The following SPCS1 variants were observed in gnomAD, a reference collection of about 807,000 sequenced individuals.
The protein encoded by SPCS1 is SPase 12 kDa subunit.
Under a neutral mutation model 16.4 loss-of-function variants are expected in SPCS1, and 10 were observed. The ratio of observed to expected loss-of-function variants is 0.61; its 90% CI spans 0.38 to 1.03. The LOEUF (loss-of-function observed/expected upper bound fraction) is 1.03. Ranked by LOEUF, SPCS1 falls within the 50% of genes least tolerant of loss-of-function variation. SPCS1 has a pLI of 0.01. For missense variants in SPCS1, 118 were observed against 123.8 expected, an observed-to-expected ratio of 0.95 and a Z score of 0.22; for synonymous variants, 47 against 42.5, an observed-to-expected ratio of 1.10 and a Z score of -0.41.
In SPCS1 at chr3:52,710,002, G is replaced by A. The variant is rs1243889988; in HGVS notation, c.*2190G>A. The stretch of plus-strand genomic sequence containing the variant: ...GCACTGTAAAAGGGCAGGAAGTATT[G>A]TTTTATTCACCACTATATCCCCAGC... On this transcript the variant is annotated 3_prime_UTR_variant, in exon 4 of 4. Transcript: ENST00000619898. 1 of 152,208 alleles carries A rather than the reference G, an allele frequency of 6.6e-6. No individual in the cohort carries two copies. Among genetic ancestry groups the A allele is most frequent in the African/African-American group, 2.4e-5 (1 of 41,446 alleles). 9.4% of individuals were successfully genotyped at this position (152,208 alleles called of 1,614,324 possible).
rs1339857699 is a variant in SPCS1, at chr3:52,710,755, C to CT, written c.*2944dup. 6.6e-6 allele frequency: 1 copy of CT among 151,724 alleles called. No homozygotes were observed. Among genetic ancestry groups the CT allele is most frequent in the Non-Finnish European group, 1.5e-5 (1 of 67,938 alleles). The allele number at this position is 151,724 out of a possible 1,614,324, so 9.4% of individuals were successfully genotyped here. A position where few individuals can be genotyped will look rare whatever the true frequency, so the allele number is the denominator to read the frequency against. ...CCAGCCTGACTGACAGAGTGAAACTCTGTCTCAAAAAAAAAACACCTGAAA... is the reference window on the plus strand; with the variant it reads ...CCAGCCTGACTGACAGAGTGAAACTCTTGTCTCAAAAAAAAAACACCTGAAA... On this transcript the variant is annotated 3_prime_UTR_variant, in exon 4 of 4. Coordinates refer to ENST00000619898, the MANE Select transcript of SPCS1 (RefSeq NM_014041.5).
chr3:52,707,026 T>G (rs1344349782), intron 3 of SPCS1, 147 bp downstream of exon 3: 2 of 697,906 alleles, frequency 2.9e-6, no homozygotes, highest in Non-Finnish European at 2.6e-6. Context: ...AAAAGTAGAA[T>G]GCCAAAATAG....
rs2097349935 is a variant in SPCS1, at chr3:52,711,102, A to AATC, written c.*3291_*3293dup. On this transcript the variant is annotated 3_prime_UTR_variant, in exon 4 of 4. Transcript: ENST00000619898. ...AAATGTTTTCACTGATGGAAAAATA[A>AATC]ATCTAACAAAACCATTATGTAAAAA... The AATC allele has an allele frequency of 1.3e-5, 2 of 152,784 alleles. No homozygotes were observed. The highest frequency in any genetic ancestry group is 4.1e-4 in the South Asian group (2 of 4,830). The allele number at this position is 152,784 out of a possible 1,614,324, so 9.5% of individuals were successfully genotyped here.
Position 52,706,662 on chromosome 3 carries a change from C to T in SPCS1, c.55C>T (p.Leu19=). Residue 19 remains leucine, a synonymous_variant, in exon 2 of 4, where the codon CTA becomes TTA. Coordinates refer to ENST00000619898, the MANE Select transcript of SPCS1 (RefSeq NM_014041.5). ...PTQMDYKGQK[L]AEQMFQGIIL... ...ACCCCAGGATTACAAGGGCCAGAAG[C>T]TAGCTGAACAGATGTTTCAGGGAAT... The T allele has an allele frequency of 6.2e-7, 1 of 1,614,092 alleles. No individual in the cohort carries two copies. Among genetic ancestry groups the T allele is most frequent in the South Asian group, 1.1e-5 (1 of 91,078 alleles).
chr3:52,707,892 C>T lies in SPCS1; in HGVS notation c.*80C>T. The T allele has an allele frequency of 6.6e-7, 1 of 1,519,978 alleles. No individual in the cohort carries two copies. The highest frequency in any genetic ancestry group is 9.1e-7 in the Non-Finnish European group (1 of 1,099,528). 94.2% of individuals were successfully genotyped at this position (1,519,978 alleles called of 1,614,324 possible). On this transcript the variant is annotated 3_prime_UTR_variant, in exon 4 of 4. Coordinates refer to ENST00000619898, the MANE Select transcript of SPCS1 (RefSeq NM_014041.5). ...TCATACCCCAGATAAGAGCTAAAAC[C>T]ACCTAATGCTCTTATGGCACAGCTG...
chr3:52,707,624 T>C (rs1471786011), intron 3 of SPCS1, 63 bp from the exon 4 acceptor site: 2 of 1,557,964 alleles, frequency 1.3e-6, no homozygotes, highest in East Asian at 2.3e-5. Flanking sequence ...CCTGGCATTA[T>C]ACGTAATGAT....
rs747231437 is a variant in SPCS1, at chr3:52,710,393, G to C, written c.*2581G>C. 2 of 151,436 alleles carry C rather than the reference G, an allele frequency of 1.3e-5. No individual in the cohort carries two copies. The highest frequency in any genetic ancestry group is 2.9e-5 in the Non-Finnish European group (2 of 67,920). The allele number at this position is 151,436 out of a possible 1,614,324, so 9.4% of individuals were successfully genotyped here. On this transcript the variant is annotated 3_prime_UTR_variant, in exon 4 of 4. Transcript: ENST00000619898. The stretch of plus-strand genomic sequence containing the variant: ...AAAAAAAAAAAATTGTTAAGTGGCT[G>C]TAAAGGGAACATTTCATTAGAGTAT...
intron 1 of SPCS1, 170 bp downstream of exon 1, chr3:52,706,452 C>T (rs552615677): frequency 1.2e-6 from 1 of 839,140 alleles, no homozygotes; most frequent in Non-Finnish European, 1.8e-6. Flanking sequence ...CCGCGAGAAT[C>T]TCCTGTCCAT....
Position 52,706,626 on chromosome 3 carries a change from T to C in SPCS1, c.37-18T>C. 1.2e-6 allele frequency: 2 copies of C among 1,612,862 alleles called. No individual in the cohort carries two copies. The highest frequency in any genetic ancestry group is 1.7e-6 in the Non-Finnish European group (2 of 1,178,946). On this transcript the variant is annotated intron_variant, in intron 1 of 3. Transcript: ENST00000619898. ...TCGGCGGTGGAACCAATTCTTTTTT[T>C]CCTCTGCTTCACCCCAGGATTACAA... is the stretch of plus-strand genomic sequence containing the variant.
In SPCS1 at chr3:52,708,768, T is replaced by C. The variant is rs1441304487; in HGVS notation, c.*956T>C. 1 of 151,738 alleles carries C rather than the reference T, an allele frequency of 6.6e-6. No homozygotes were observed. Among genetic ancestry groups the C allele is most frequent in the Non-Finnish European group, 1.5e-5 (1 of 67,932 alleles). The allele number at this position is 151,738 out of a possible 1,614,324, so 9.4% of individuals were successfully genotyped here. A position where few individuals can be genotyped will look rare whatever the true frequency, so the allele number is the denominator to read the frequency against. The stretch of plus-strand genomic sequence containing the variant: ...ACAGGAAAAAAAAAACTGCAAGCAG[T>C]AAAGGTTGTGCAGGTGATATTCAGT... On this transcript the variant is annotated 3_prime_UTR_variant, in exon 4 of 4. Coordinates refer to ENST00000619898, the MANE Select transcript of SPCS1 (RefSeq NM_014041.5).
In SPCS1 at chr3:52,706,230, C is replaced by T. The variant is rs1237236256; in HGVS notation, c.-17C>T. Reference sequence around the variant, plus strand: ...AGCCTGCCACCCGCGCTCAGCTGCCCGCCTCCTCAGCCAGCCATGCTGGAG... The same window carrying T: ...AGCCTGCCACCCGCGCTCAGCTGCCTGCCTCCTCAGCCAGCCATGCTGGAG... On this transcript the variant is annotated 5_prime_UTR_variant, in exon 1 of 4. Transcript: ENST00000619898. 3 of 1,585,806 alleles carry T rather than the reference C, an allele frequency of 1.9e-6. No individual in the cohort carries two copies. The highest frequency in any genetic ancestry group is 1.7e-5 in the Admixed American group (1 of 58,254).
In SPCS1 at chr3:52,708,439, C is replaced by T. The variant is rs2097346735; in HGVS notation, c.*627C>T. Reference sequence around the variant, plus strand: ...TCTACCCAGTACATAGAAGAGTACACGATGCATTGTTAAGTACTTAAGATT... The same window carrying T: ...TCTACCCAGTACATAGAAGAGTACATGATGCATTGTTAAGTACTTAAGATT... On this transcript the variant is annotated 3_prime_UTR_variant, in exon 4 of 4. Coordinates refer to ENST00000619898, the MANE Select transcript of SPCS1 (RefSeq NM_014041.5). The T allele has an allele frequency of 6.6e-6, 1 of 152,278 alleles. No individual in the cohort carries two copies. The highest frequency in any genetic ancestry group is 6.5e-5 in the Admixed American group (1 of 15,286). 9.4% of individuals were successfully genotyped at this position (152,278 alleles called of 1,614,324 possible). A position where few individuals can be genotyped will look rare whatever the true frequency, so the allele number is the denominator to read the frequency against.
At chr3:52,706,359 C>G (rs1219540854) in intron 1 of SPCS1, 77 bp downstream of exon 1, 4 of 1,453,434 alleles carry the variant, frequency 2.8e-6, no homozygotes, top group South Asian at 2.5e-5. Flanking sequence ...GAGCACCGAC[C>G]CGGTGCTGCG....
Position 52,706,198 on chromosome 3 carries a change from G to A in SPCS1, c.-49G>A. On this transcript the variant is annotated 5_prime_UTR_variant, in exon 1 of 4. Coordinates refer to ENST00000619898, the MANE Select transcript of SPCS1 (RefSeq NM_014041.5). ...CGGTCCTTAAGTCTCGGTCGCCCTC[G>A]CCTCGCAGCCTGCCACCCGCGCTCA... The A allele has an allele frequency of 6.4e-7, 1 of 1,562,048 alleles. No individual in the cohort carries two copies. Among genetic ancestry groups the A allele is most frequent in the Non-Finnish European group, 8.6e-7 (1 of 1,160,450 alleles).
Position 52,707,775 on chromosome 3 carries a change from G to C in SPCS1, c.272G>C (p.Gly91Ala). 1 of 1,614,026 alleles carries C rather than the reference G, an allele frequency of 6.2e-7. No individual in the cohort carries two copies. Among genetic ancestry groups the C allele is most frequent in the Non-Finnish European group, 8.5e-7 (1 of 1,180,012 alleles). Residue 91 changes from glycine to alanine, a missense_variant, in exon 4 of 4, where the codon GGG becomes GCG. Transcript: ENST00000619898. ...TCAAGCACAGACGACAAGAAACCAG[G>C]GGAAAGAAAAATTAAGAGGCATGCT... ...QESSTDDKKP[G>A]ERKIKRHAKN...
Position 52,706,109 on chromosome 3 carries a change from G to T in SPCS1, c.-138G>T. 1 of 1,538,850 alleles carries T rather than the reference G, an allele frequency of 6.5e-7. No homozygotes were observed. ...GGAGACTTCCGCTTCCGGGGCCGCC[G>T]CCATCGCTCTCCCGGGCTTAGAAGG... On this transcript the variant is annotated 5_prime_UTR_variant, in exon 1 of 4. Coordinates refer to ENST00000619898, the MANE Select transcript of SPCS1 (RefSeq NM_014041.5).
Position 52,706,199 on chromosome 3 carries a change from C to G in SPCS1, c.-48C>G, listed in dbSNP as rs2097344550. The G allele has an allele frequency of 6.4e-7, 1 of 1,563,542 alleles. No individual in the cohort carries two copies. Among genetic ancestry groups the G allele is most frequent in the Admixed American group, 1.8e-5 (1 of 54,430 alleles). ...GGTCCTTAAGTCTCGGTCGCCCTCG[C>G]CTCGCAGCCTGCCACCCGCGCTCAG... is the stretch of plus-strand genomic sequence containing the variant. On this transcript the variant is annotated 5_prime_UTR_variant, in exon 1 of 4. Coordinates refer to ENST00000619898, the MANE Select transcript of SPCS1 (RefSeq NM_014041.5).
intron 1 of SPCS1, 121 bp downstream of exon 1, chr3:52,706,403 CTT>C: frequency 4.4e-6 from 5 of 1,134,522 alleles, no homozygotes; most frequent in Non-Finnish European, 6.1e-6. Context: ...CGTCCACCCT[CTT>C]TCCCGAATTG....
intron 3 of SPCS1, 154 bp from the exon 4 acceptor site, chr3:52,707,533 G>A: frequency 1.4e-6 from 1 of 718,182 alleles, no homozygotes; most frequent in Middle Eastern, 3.5e-4. Context: ...ATTTTGCATG[G>A]ATGGTGGCAC....
Sources: allele counts gnomAD v4.1 joint callset, GRCh38; gene constraint gnomAD v4.1.1; transcripts MANE v1.5; gene names NCBI Gene and HGNC (gene_info 2026-07-23, HGNC 2026-07-21).